The following SCO1 variants were observed in gnomAD, a reference collection of about 807,000 sequenced individuals.
SCO1 encodes synthesis of cytochrome C oxidase 1, also known as cytochrome c oxidase assembly factor SCO1.
SCO1 carries 23 observed loss-of-function variants against 34.0 expected under a neutral mutation model. The observed-to-expected ratio is 0.68, with a 90% CI of 0.49 to 0.96. SCO1 has a LOEUF of 0.96. Ranked by LOEUF, SCO1 falls within the 40% of genes least tolerant of loss-of-function variation. The pLI is 0.00. For synonymous variants in SCO1, 161 were observed against 145.5 expected, an observed-to-expected ratio of 1.11 and a Z score of -0.77; for missense variants, 404 against 381.6, an observed-to-expected ratio of 1.06 and a Z score of -0.49.
chr17:10,694,264 G>A (rs187380230), intron 2 of SCO1, among the ~76,000 whole-genome samples: 31 of 152,348 alleles, frequency 2.0e-4, no homozygotes, highest in African/African-American at 6.7e-4. Flanking sequence ...AAGGTTGTGG[G>A]AGTCAGTTAA....
In SCO1 at chr17:10,695,663, T is replaced by TA. The variant is rs576609498; in HGVS notation, c.364+77dup. On this transcript the variant is annotated intron_variant, in intron 2 of 5. Transcript: ENST00000255390. ...CTAAAGTTGTTTCAAAACAAAAAGC[T>TA]AAAAAACAACAAAAAAGGTGCTAGT... 2.7e-4 allele frequency: 306 copies of TA among 1,125,852 alleles called. No homozygotes were observed. In the African/African-American group the frequency reaches 4.4e-3, roughly 16 times the overall value. The allele number at this position is 1,125,852 out of a possible 1,614,324, so 69.7% of individuals were successfully genotyped here. A position where few individuals can be genotyped will look rare whatever the true frequency, so the allele number is the denominator to read the frequency against.
rs1036180123 is a variant in SCO1, at chr17:10,673,968, T to C, written c.*7151A>G. 6.6e-6 allele frequency: 1 copy of C among 152,200 alleles called. No individual in the cohort carries two copies. Among genetic ancestry groups the C allele is most frequent in the Admixed American group, 6.5e-5 (1 of 15,276 alleles). The allele number at this position is 152,200 out of a possible 1,614,324, so 9.4% of individuals were successfully genotyped here. On this transcript the variant is annotated 3_prime_UTR_variant, in exon 6 of 6. Transcript: ENST00000255390. ...TGTGTTTCATGGGAGCGAAATTAAA[T>C]AAAGAGCTTCCTGGAGGGGGAAAGA...
chr17:10,687,205 T>A (rs1369029117), intron 4 of SCO1, among the ~76,000 whole-genome samples: 3 of 152,196 alleles, frequency 2.0e-5, no homozygotes, highest in Non-Finnish European at 4.4e-5. Context: ...TTTCATGGCA[T>A]CATATGGGGA....
rs1418356885 is a variant in SCO1, at chr17:10,696,322, C to T, written c.274-491G>A. ...TAGCCGGGCGTGGTAGCGGACCCCTCTAAACCCAGCTACACGGGAGGCTGA... is the reference window on the plus strand; with the variant it reads ...TAGCCGGGCGTGGTAGCGGACCCCTTTAAACCCAGCTACACGGGAGGCTGA... On this transcript the variant is annotated intron_variant, in intron 1 of 5. Transcript: ENST00000255390. 2.0e-5 allele frequency among the ~76,000 whole-genome samples: 3 copies of T among 152,014 alleles called. No homozygotes were observed. The South Asian group carries it at 6.3e-4, about 32-fold the overall frequency.
Position 10,692,735 on chromosome 17 carries a change from C to T in SCO1, c.562+29G>A, listed in dbSNP as rs140853130. On this transcript the variant is annotated intron_variant, in intron 3 of 5. Transcript: ENST00000255390. Reference sequence around the variant, plus strand: ...CCTGGTAACATGAAGTAAACATATACTTTGTTTAGTTAGTGATGGCTTTCT... The same window carrying T: ...CCTGGTAACATGAAGTAAACATATATTTTGTTTAGTTAGTGATGGCTTTCT... 45 of 1,561,024 alleles carry T rather than the reference C, an allele frequency of 2.9e-5. No individual in the cohort carries two copies. The African/African-American group carries it at 4.1e-4, about 14-fold the overall frequency.
Position 10,677,266 on chromosome 17 carries a change from C to T in SCO1, c.*3853G>A, listed in dbSNP as rs1378599676. 1 of 152,126 alleles carries T rather than the reference C, an allele frequency of 6.6e-6. No individual in the cohort carries two copies. Among genetic ancestry groups the T allele is most frequent in the Non-Finnish European group, 1.5e-5 (1 of 68,056 alleles). The allele number at this position is 152,126 out of a possible 1,614,324, so 9.4% of individuals were successfully genotyped here. A position where few individuals can be genotyped will look rare whatever the true frequency, so the allele number is the denominator to read the frequency against. ...AGGTTGCAGTGAGCCAAGATTATGC[C>T]ATTATTGCATTCCAGCCTGCGTGAG... On this transcript the variant is annotated 3_prime_UTR_variant, in exon 6 of 6. Coordinates refer to ENST00000255390, the MANE Select transcript of SCO1 (RefSeq NM_004589.4).
intron 2 of SCO1, among the ~76,000 whole-genome samples, chr17:10,693,549 A>C (rs2074703355): frequency 6.6e-6 from 1 of 152,258 alleles, no homozygotes; most frequent in Non-Finnish European, 1.5e-5. Flanking sequence ...ATATAGATAT[A>C]AATAAATATA....
At chr17:10,689,146 C>T (rs960114665) in intron 4 of SCO1, among the ~76,000 whole-genome samples, 18 of 147,926 alleles carry the variant, frequency 1.2e-4, no homozygotes, top group Non-Finnish European at 2.2e-4. Context: ...GAAAGCAGTT[C>T]TGCAGATGGG....
At position 10,680,978 on chromosome 17, in the gene SCO1, AT is replaced by A. The variant is rs1293304193; in HGVS notation, c.*140del. The A allele has an allele frequency of 5.8e-6, 6 of 1,039,268 alleles. No individual in the cohort carries two copies. Among genetic ancestry groups the A allele is most frequent in the Non-Finnish European group, 1.5e-6 (1 of 672,096 alleles). The allele number at this position is 1,039,268 out of a possible 1,614,324, so 64.4% of individuals were successfully genotyped here. A position where few individuals can be genotyped will look rare whatever the true frequency, so the allele number is the denominator to read the frequency against. On this transcript the variant is annotated 3_prime_UTR_variant, in exon 6 of 6. Coordinates refer to ENST00000255390, the MANE Select transcript of SCO1 (RefSeq NM_004589.4). ...GGTTGAACGCAAGGGTAACATCCCC[AT>A]CCAAAACAGAAATGTTCTCATGGTA...
chr17:10,681,176 C>T lies in SCO1; in HGVS notation c.849G>A (p.Lys283=). 6.2e-7 allele frequency: 1 copy of T among 1,614,178 alleles called. No homozygotes were observed. Among genetic ancestry groups the T allele is most frequent in the Non-Finnish European group, 8.5e-7 (1 of 1,180,034 alleles). The change falls in exon 6 of 6, where the codon AAG becomes AAA. Residue 283 remains lysine, a synonymous_variant. Transcript: ENST00000255390. Reference sequence around the variant, plus strand: ...TGGCAATTGAAGCAGCTATTTCTCCCTTCCTCTTGTTCTGGCCAAAATAAT... The same window carrying T: ...TGGCAATTGAAGCAGCTATTTCTCCTTTCCTCTTGTTCTGGCCAAAATAAT... The part of the protein sequence containing the change: ...FLDYFGQNKR[K]GEIAASIATH...
At chr17:10,683,244 G>T (rs921060286) in intron 5 of SCO1, among the ~76,000 whole-genome samples, 1 of 151,952 alleles carries the variant, frequency 6.6e-6, no homozygotes, top group Non-Finnish European at 1.5e-5. Context: ...TTATACACAA[G>T]TAACAATATA....
Position 10,680,901 on chromosome 17 carries a change from G to T in SCO1, c.*218C>A. The T allele has an allele frequency of 1.7e-6, 1 of 594,094 alleles. No homozygotes were observed. Among genetic ancestry groups the T allele is most frequent in the Non-Finnish European group, 3.0e-6 (1 of 337,194 alleles). The allele number at this position is 594,094 out of a possible 1,614,324, so 36.8% of individuals were successfully genotyped here. ...AGCTTGATCCTCTGGTCTCCCCACA[G>T]CTTCCTGGGAGACTTTGGGTTGTAA... On this transcript the variant is annotated 3_prime_UTR_variant, in exon 6 of 6. Coordinates refer to ENST00000255390, the MANE Select transcript of SCO1 (RefSeq NM_004589.4).
Position 10,692,042 on chromosome 17 carries a change from T to C in SCO1, c.563-78A>G, listed in dbSNP as rs939081145. On this transcript the variant is annotated intron_variant, in intron 3 of 5. Coordinates refer to ENST00000255390, the MANE Select transcript of SCO1 (RefSeq NM_004589.4). ...GAAAACCAGCAATAACAGGAGAGTATAGGACGTGCTGGACAGCTAGGTGTT... is the reference window on the plus strand; with the variant it reads ...GAAAACCAGCAATAACAGGAGAGTACAGGACGTGCTGGACAGCTAGGTGTT... The C allele has an allele frequency of 8.9e-6, 9 of 1,007,856 alleles. No homozygotes were observed. In the African/African-American group the frequency reaches 1.3e-4, roughly 14 times the overall value. 62.4% of individuals were successfully genotyped at this position (1,007,856 alleles called of 1,614,324 possible).
At chr17:10,688,902 G>A (rs2074673093) in intron 4 of SCO1, among the ~76,000 whole-genome samples, 1 of 150,428 alleles carries the variant, frequency 6.6e-6, no homozygotes, top group Non-Finnish European at 1.5e-5. Context: ...GGATCACGAG[G>A]TCAGGAGATC....
intron 5 of SCO1, among the ~76,000 whole-genome samples, chr17:10,683,214 T>C (rs759454837): frequency 1.3e-5 from 2 of 152,162 alleles, no homozygotes; most frequent in African/African-American, 4.8e-5. Context: ...TGTGTATATA[T>C]CCACTACCAC....
chr17:10,683,226 TA>T (rs1473530370), intron 5 of SCO1, among the ~76,000 whole-genome samples: 2 of 152,268 alleles, frequency 1.3e-5, no homozygotes, highest in South Asian at 2.1e-4. Flanking sequence ...CACTACCACT[TA>T]TTTTTTTTAT....
chr17:10,691,850 A>G (rs756860635), intron 4 of SCO1, 22 bp downstream of exon 4: 1 of 1,478,316 alleles, frequency 6.8e-7, no homozygotes, highest in Non-Finnish European at 9.5e-7. Flanking sequence ...AAATAAATGT[A>G]AAGTATTATT....
Position 10,681,345 on chromosome 17 carries a change from AT to A in SCO1, c.772-93del, listed in dbSNP as rs561654177. ...ATGCTGCAAGATAAGAGAACTTTACATTAATGCTTAAATAACCTTTACAGCA... is the reference window on the plus strand; with the variant it reads ...ATGCTGCAAGATAAGAGAACTTTACATAATGCTTAAATAACCTTTACAGCA... On this transcript the variant is annotated intron_variant, in intron 5 of 5. Coordinates refer to ENST00000255390, the MANE Select transcript of SCO1 (RefSeq NM_004589.4). The A allele has an allele frequency of 2.0e-4, 264 of 1,326,972 alleles. 3 individuals carry two copies. The African/African-American group carries it at 3.1e-3, about 16-fold the overall frequency. 82.2% of individuals were successfully genotyped at this position (1,326,972 alleles called of 1,614,324 possible).
At chr17:10,688,755 A>G (rs1567574730) in intron 4 of SCO1, among the ~76,000 whole-genome samples, 1 of 152,254 alleles carries the variant, frequency 6.6e-6, no homozygotes, top group Non-Finnish European at 1.5e-5. Context: ...TAGGTGAACT[A>G]TTAGTCAGCA....
Sources: allele counts gnomAD v4.1 joint callset (sites outside exome capture counted in the v4.1 genomes callset), GRCh38; gene constraint gnomAD v4.1.1; transcripts MANE v1.5; gene names NCBI Gene and HGNC (gene_info 2026-07-23, HGNC 2026-07-21).